Variants in ME1 observed in about 807,000 individuals in gnomAD.
The protein encoded by ME1 is NADP-dependent malic enzyme.
Under a neutral mutation model 66.4 loss-of-function variants are expected in ME1, and 74 were observed. That is an observed-to-expected ratio of 1.11 (90% confidence interval 0.92 to 1.35). The LOEUF is 1.35. ME1 is among the 40% of genes most tolerant of loss of function. The pLI is 0.00. For missense variants in ME1, 750 were observed against 694.1 expected (o/e 1.08, Z -0.90); for synonymous variants, 251 against 235.6 (o/e 1.07, Z -0.60).
At chr6:83,385,177 T>A (rs1046804688) in intron 3 of ME1, among the ~76,000 whole-genome samples, 1 of 151,946 alleles carries the variant, frequency 6.6e-6, no homozygotes, top group East Asian at 1.9e-4. Context: ...AACCATGGTA[T>A]GCAAAACTAA....
At chr6:83,227,852 C>T (rs1398640096) in intron 10 of ME1, among the ~76,000 whole-genome samples, 1 of 152,130 alleles carries the variant, frequency 6.6e-6, no homozygotes, top group Non-Finnish European at 1.5e-5. Context: ...GTTTTATAAA[C>T]CAACGCTATC....
chr6:83,292,280 T>G (rs1767517804), intron 6 of ME1, among the ~76,000 whole-genome samples: 1 of 152,202 alleles, frequency 6.6e-6, no homozygotes, highest in African/African-American at 2.4e-5. Flanking sequence ...TCATTGATGT[T>G]GGGACCTACG....
intron 6 of ME1, among the ~76,000 whole-genome samples, chr6:83,267,658 A>C (rs1767011940): frequency 1.3e-5 from 2 of 152,226 alleles, no homozygotes. Context: ...TGCAAGAAAC[A>C]TAAGTAACTT....
chr6:83,423,531 G>A (rs1770311519), intron 1 of ME1, among the ~76,000 whole-genome samples: 1 of 152,094 alleles, frequency 6.6e-6, no homozygotes, highest in Admixed American at 6.6e-5. Context: ...AGGCACAGTG[G>A]CTCAAATCTG....
intron 6 of ME1, among the ~76,000 whole-genome samples, chr6:83,280,569 A>G (rs1005257487): frequency 6.6e-6 from 1 of 152,200 alleles, no homozygotes; most frequent in African/African-American, 2.4e-5. Context: ...CTTACTTGCA[A>G]TATCTGCTAA....
intron 6 of ME1, among the ~76,000 whole-genome samples, chr6:83,314,526 C>T (rs915302365): frequency 2.0e-5 from 3 of 152,062 alleles, no homozygotes; most frequent in African/African-American, 7.2e-5. Context: ...GACATCTTTG[C>T]CTCTGATGGT....
chr6:83,303,292 G>A (rs1365595872), intron 6 of ME1, among the ~76,000 whole-genome samples: 2 of 152,096 alleles, frequency 1.3e-5, no homozygotes, highest in African/African-American at 2.4e-5. Flanking sequence ...TTTGCTAGTT[G>A]CTTGTATCTA....
chr6:83,213,689 C>T (rs981254263), intron 13 of ME1, among the ~76,000 whole-genome samples: 2 of 151,914 alleles, frequency 1.3e-5, no homozygotes, highest in Non-Finnish European at 2.9e-5. Flanking sequence ...GTTCTTAAAA[C>T]AATATTTATA....
intron 9 of ME1, among the ~76,000 whole-genome samples, chr6:83,230,330 G>A (rs537800214): frequency 8.6e-5 from 13 of 151,762 alleles, no homozygotes; most frequent in African/African-American, 1.2e-4. Flanking sequence ...GCATGTGCCC[G>A]GCTAATTTTA....
chr6:83,380,525 G>A (rs1769376040), intron 3 of ME1, among the ~76,000 whole-genome samples: 1 of 152,004 alleles, frequency 6.6e-6, no homozygotes, highest in Admixed American at 6.6e-5. Flanking sequence ...GGATTGAAAG[G>A]ACAAAAGAGA....
chr6:83,316,491 G>C (rs1047762282), intron 5 of ME1, among the ~76,000 whole-genome samples: 5 of 151,966 alleles, frequency 3.3e-5, no homozygotes, highest in African/African-American at 9.7e-5. Context: ...AAGACTGAGT[G>C]CTCTTCACTT....
In ME1 at chr6:83,377,168, G is replaced by A. The variant is rs562208503; in HGVS notation, c.362+21199C>T. 4.6e-5 allele frequency among the ~76,000 whole-genome samples: 7 copies of A among 152,214 alleles called. No homozygotes were observed. The South Asian group carries it at 1.5e-3, about 32-fold the overall frequency. On this transcript the variant is annotated intron_variant, in intron 3 of 13. Transcript: ENST00000369705. Reference sequence around the variant, plus strand: ...TTGAAAAATCTTGGTAAAGACTTTTGGAGACAGTTTTCAGAAATTTAAAAA... The same window carrying A: ...TTGAAAAATCTTGGTAAAGACTTTTAGAGACAGTTTTCAGAAATTTAAAAA...
chr6:83,404,888 C>CAT (rs1769909942), intron 2 of ME1, among the ~76,000 whole-genome samples: 1 of 152,216 alleles, frequency 6.6e-6, no homozygotes, highest in Admixed American at 6.5e-5. Flanking sequence ...GTACCAGTAC[C>CAT]ATGTTGTTTT....
intron 3 of ME1, among the ~76,000 whole-genome samples, chr6:83,358,607 G>A (rs1007333404): frequency 4.6e-5 from 7 of 152,182 alleles, no homozygotes; most frequent in African/African-American, 9.7e-5. Flanking sequence ...TGAGGGCATC[G>A]ATTAGAAAAG....
chr6:83,412,641 T>A (rs1243113922), intron 1 of ME1, among the ~76,000 whole-genome samples: 1 of 149,034 alleles, frequency 6.7e-6, no homozygotes, highest in African/African-American at 2.5e-5. Context: ...GGTATATCCA[T>A]ACACTGAAAT....
chr6:83,382,449 A>G (rs984150546), intron 3 of ME1, among the ~76,000 whole-genome samples: 9 of 152,128 alleles, frequency 5.9e-5, no homozygotes, highest in African/African-American at 2.2e-4. Flanking sequence ...CAATAATATT[A>G]TCTGACAATT....
intron 1 of ME1, among the ~76,000 whole-genome samples, chr6:83,409,582 C>T (rs1306385164): frequency 6.6e-6 from 1 of 152,176 alleles, no homozygotes; most frequent in Non-Finnish European, 1.5e-5. Flanking sequence ...CCCATTAATT[C>T]ATGTCACTGA....
chr6:83,385,577 G>T (rs940734885), intron 3 of ME1, among the ~76,000 whole-genome samples: 2 of 151,904 alleles, frequency 1.3e-5, no homozygotes, highest in Non-Finnish European at 2.9e-5. Flanking sequence ...GCATTTTACA[G>T]TAAAAGATAA....
chr6:83,352,604 GTGAC>G (rs1768823297), intron 3 of ME1, among the ~76,000 whole-genome samples: 1 of 152,112 alleles, frequency 6.6e-6, no homozygotes, highest in African/African-American at 2.4e-5. Flanking sequence ...GATGGCTGAA[GTGAC>G]TGACTAATGC....
Sources: gnomAD v4.1 joint callset for allele counts (sites outside exome capture counted in the v4.1 genomes callset) on GRCh38, gnomAD v4.1.1 for gene constraint, MANE v1.5 for transcripts, NCBI Gene and HGNC (gene_info 2026-07-23, HGNC 2026-07-21) for gene names.